The following PAQR5 variants were observed in gnomAD, a reference collection of about 807,000 sequenced individuals.
PAQR5 encodes progestin and adipoQ receptor family member 5.
In PAQR5, 20 loss-of-function variants were observed where a neutral mutation model predicts 34.5. The ratio of observed to expected loss-of-function variants is 0.58; its 90% confidence interval spans 0.41 to 0.84. PAQR5 has a LOEUF of 0.84. PAQR5 is among the 40% of genes least tolerant of loss of function. The probability of loss-of-function intolerance (pLI) is 0.00; values close to 1 mark genes in which losing one functional copy is unlikely to be tolerated. For missense variants in PAQR5, 378 were observed against 412.7 expected, an observed-to-expected ratio of 0.92 and a Z score of 0.73; for synonymous variants, 131 against 155.6, an observed-to-expected ratio of 0.84 and a Z score of 1.18.
intron 6 of PAQR5, among the ~76,000 whole-genome samples, chr15:69,390,685 G>A (rs1371666522): frequency 1.3e-5 from 2 of 152,162 alleles, no homozygotes; most frequent in Non-Finnish European, 2.9e-5. Flanking sequence ...TGGCACAGAG[G>A]AGATGTCCCA....
intron 2 of PAQR5, among the ~76,000 whole-genome samples, chr15:69,352,088 T>C (rs539447555): frequency 8.5e-5 from 13 of 152,262 alleles, no homozygotes; most frequent in African/African-American, 2.6e-4. Flanking sequence ...AGCAGATCCA[T>C]TGGTGCTTGA....
intron 1 of PAQR5, among the ~76,000 whole-genome samples, chr15:69,313,069 C>T (rs953710603): frequency 6.6e-6 from 1 of 152,308 alleles, no homozygotes; most frequent in Admixed American, 6.5e-5. Context: ...AAGTGCTTGC[C>T]TAGTTCTCAC....
At chr15:69,326,436 CTTT>C (rs34210567) in intron 1 of PAQR5, among the ~76,000 whole-genome samples, 82 of 131,656 alleles carry the variant, frequency 6.2e-4, no homozygotes, top group Admixed American at 6.1e-4. Flanking sequence ...AGCTCTTTGT[CTTT>C]TTTTTTTTTT....
In PAQR5 at chr15:69,390,351, TA is replaced by T. The variant is rs199995782; in HGVS notation, c.512+572del. On this transcript the variant is annotated intron_variant, in intron 6 of 8. Coordinates refer to ENST00000395407, the MANE Select transcript of PAQR5 (RefSeq NM_017705.4). ...TTATTTATTTATTTATTTATTTATT[TA>T]TTTATTTATTTTTTTGAGACAGGGT... is the stretch of plus-strand genomic sequence containing the variant. Among the ~76,000 whole-genome samples the T allele has an allele frequency of 2.5e-3, 275 of 110,594 alleles. 4 individuals carry two copies. Among genetic ancestry groups the T allele is most frequent in the Middle Eastern group, 0.01 (2 of 192 alleles). The allele number at this position is 110,594 out of a possible 152,430, so 72.6% of individuals were successfully genotyped here.
chr15:69,331,114 C>T (rs887345743), intron 1 of PAQR5, among the ~76,000 whole-genome samples: 2 of 152,206 alleles, frequency 1.3e-5, no homozygotes, highest in African/African-American at 4.8e-5. Flanking sequence ...CACAGGGTGT[C>T]TGTATAGCCT....
chr15:69,310,899 T>C (rs572355202), intron 1 of PAQR5, among the ~76,000 whole-genome samples: 8,122 of 149,886 alleles, frequency 0.054, 688 homozygotes, highest in African/African-American at 0.19. Context: ...ATTAGCCGGG[T>C]GTGGTGGCGG....
At chr15:69,324,066 G>C (rs563590724) in intron 1 of PAQR5, among the ~76,000 whole-genome samples, 1 of 145,900 alleles carries the variant, frequency 6.9e-6, no homozygotes, top group Admixed American at 7.1e-5. Context: ...ATATCATTCA[G>C]CTTTTTCAGA....
intron 1 of PAQR5, among the ~76,000 whole-genome samples, chr15:69,319,164 T>C (rs920424976): frequency 1.5e-3 from 1 of 660 alleles, no homozygotes; most frequent in African/African-American, 2.0e-3. Flanking sequence ...TATACATATA[T>C]ATATATATAT....
intron 2 of PAQR5, among the ~76,000 whole-genome samples, chr15:69,352,935 C>G (rs2054960925): frequency 6.6e-6 from 1 of 152,208 alleles, no homozygotes. Context: ...TTAGCAGTCA[C>G]CAAAGAGTGA....
intron 1 of PAQR5, among the ~76,000 whole-genome samples, chr15:69,305,088 G>C (rs76010956): frequency 1.3e-5 from 2 of 152,036 alleles, no homozygotes; most frequent in South Asian, 2.1e-4. Context: ...ATTGACTTTC[G>C]GTACCGGATA....
chr15:69,379,467 C>G, intron 3 of PAQR5: 1 of 985,430 alleles, frequency 1.0e-6, no homozygotes, highest in Non-Finnish European at 1.2e-6. Flanking sequence ...GAGTTCTTCC[C>G]ACCAGCCCCT....
chr15:69,352,532 C>A (rs1389469195), intron 2 of PAQR5, among the ~76,000 whole-genome samples: 1 of 152,254 alleles, frequency 6.6e-6, no homozygotes, highest in Admixed American at 6.5e-5. Flanking sequence ...CCTATGGCCT[C>A]ATGGGAAATG....
chr15:69,385,165 A>G lies in PAQR5; in HGVS notation c.385+283A>G, dbSNP rs1239863280. Among the ~76,000 whole-genome samples, 1 of 152,214 alleles carries G rather than the reference A, an allele frequency of 6.6e-6. No individual in the cohort carries two copies. Among genetic ancestry groups the G allele is most frequent in the Non-Finnish European group, 1.5e-5 (1 of 68,038 alleles). On this transcript the variant is annotated intron_variant, in intron 5 of 8. Coordinates refer to ENST00000395407, the MANE Select transcript of PAQR5 (RefSeq NM_017705.4). This position sits in a 1 kb window ranked among gnomAD's most constrained non-coding sequence, Gnocchi z 4.7. The stretch of plus-strand genomic sequence containing the variant: ...CCATCATGTCCAGCTTCAACCTACT[A>G]ACATGACATCACAGAACACAAGGGT...
intron 2 of PAQR5, among the ~76,000 whole-genome samples, chr15:69,350,015 T>G (rs1183227613): frequency 6.6e-6 from 1 of 152,150 alleles, no homozygotes; most frequent in East Asian, 1.9e-4. Flanking sequence ...ATTTTTCACT[T>G]AAGACTTACT....
intron 6 of PAQR5, chr15:69,397,194 C>T (rs774033756): frequency 3.3e-6 from 2 of 603,218 alleles, no homozygotes; most frequent in South Asian, 3.0e-5. Context: ...GGGTTTCTGC[C>T]CAGCGCCTCC....
chr15:69,359,482 T>C (rs1414872580), intron 2 of PAQR5, among the ~76,000 whole-genome samples: 3 of 151,806 alleles, frequency 2.0e-5, no homozygotes, highest in Non-Finnish European at 4.4e-5. Context: ...TGTGAGAGGG[T>C]CGTGATTGAT....
rs1019971910 is a variant in PAQR5 at position 69,344,316 on chromosome 15, T to C, written c.-116+6815T>C. Among the ~76,000 whole-genome samples the C allele has an allele frequency of 2.0e-5, 3 of 152,214 alleles. No individual in the cohort carries two copies. In the South Asian group the frequency reaches 6.2e-4, roughly 32 times the overall value. ...GGAGTGGCCTCTTTGGGGTATACCA[T>C]AGCTGTCATGCCAGAGAGAGGAAAC... On this transcript the variant is annotated intron_variant, in intron 2 of 8. Coordinates refer to ENST00000395407, the MANE Select transcript of PAQR5 (RefSeq NM_017705.4).
chr15:69,401,887 G>A (rs377090271), intron 8 of PAQR5, among the ~76,000 whole-genome samples: 16 of 152,082 alleles, frequency 1.1e-4, no homozygotes, highest in African/African-American at 3.4e-4. Flanking sequence ...TAGGTCCTGG[G>A]GGTGAAACAC....
intron 1 of PAQR5, among the ~76,000 whole-genome samples, chr15:69,316,203 C>A (rs370514576): frequency 6.6e-6 from 1 of 152,214 alleles, no homozygotes; most frequent in East Asian, 1.9e-4. Flanking sequence ...GCCTCAGTCT[C>A]CAGAATAGCT....
Sources: allele counts gnomAD v4.1 joint callset (sites outside exome capture counted in the v4.1 genomes callset), GRCh38; gene constraint gnomAD v4.1.1; non-coding constraint Gnocchi (gnomAD v3.1); transcripts MANE v1.5; gene names NCBI Gene and HGNC (gene_info 2026-07-23, HGNC 2026-07-21).